The following SYNM variants were observed in gnomAD, a reference collection of about 807,000 sequenced individuals.
SYNM encodes the protein synemin.
A neutral mutation model predicts 104.0 loss-of-function variants in SYNM; 95 were observed. The ratio of observed to expected loss-of-function variants is 0.91; its 90% CI spans 0.77 to 1.08. SYNM has a LOEUF of 1.08. SYNM is among the 50% of genes least tolerant of loss of function. The probability of loss-of-function intolerance (pLI) is 0.00; values close to 1 mark genes in which losing one functional copy is unlikely to be tolerated. For synonymous variants in SYNM, 918 were observed against 869.0 expected, an observed-to-expected ratio of 1.06 and a Z score of -0.99; for missense variants, 2,150 against 2,052.2, an observed-to-expected ratio of 1.05 and a Z score of -0.92.
rs782787360 is a variant in SYNM at position 99,105,338 on chromosome 15, C to G, written c.139C>G (p.Arg47Gly). Residue 47 changes from arginine to glycine, a missense_variant, in exon 1 of 4, where the codon CGC becomes GGC. Arg to Gly is a moderately radical substitution (Grantham distance 125, BLOSUM62 -2). Transcript: ENST00000336292. ...LLLEEELRGR[R>G]GREGLWAEGQ... ...CCTGGAGGAGGAGCTGCGCGGCCGG[C>G]GCGGGCGAGAGGGCCTGTGGGCCGA... is the stretch of plus-strand genomic sequence containing the variant. 6.5e-7 allele frequency: 1 copy of G among 1,539,386 alleles called. No homozygotes were observed. Among genetic ancestry groups the G allele is most frequent in the African/African-American group, 1.4e-5 (1 of 72,320 alleles).
intron 1 of SYNM, among the ~76,000 whole-genome samples, chr15:99,107,345 G>A (rs1373727689): frequency 6.6e-6 from 1 of 152,196 alleles, no homozygotes; most frequent in African/African-American, 2.4e-5. Flanking sequence ...GTTGTTGAGT[G>A]AAAGTTAAAA....
rs1281586942 is a variant in SYNM, at chr15:99,105,725, C to T, written c.526C>T (p.Pro176Ser). Residue 176 changes from proline (P) to serine (S), a missense_variant, in exon 1 of 4, where the codon CCG becomes TCG. Physicochemically the swap from Pro to Ser is moderately conservative, Grantham distance 74. Transcript: ENST00000336292. ...FRARATGPAAPPPRLREVHDS... is the reference protein window; with the variant it reads ...FRARATGPAASPPRLREVHDS... ...CGCCCGCGCCACCGGCCCCGCCGCG[C>T]CGCCGCCACGCCTGCGGGAGGTGCA... 1.7e-5 allele frequency: 25 copies of T among 1,500,642 alleles called. No individual in the cohort carries two copies. The highest frequency in any genetic ancestry group is 1.7e-5 in the Non-Finnish European group (19 of 1,128,874). The allele number at this position is 1,500,642 out of a possible 1,614,324, so 93.0% of individuals were successfully genotyped here.
chr15:99,138,184 C>T, downstream of SYNM: 1 of 1,594,110 alleles, frequency 6.3e-7, no homozygotes, highest in Non-Finnish European at 8.5e-7. Context: ...CCACACCGTT[C>T]CCATCCAGCC....
intron 1 of SYNM, among the ~76,000 whole-genome samples, chr15:99,111,644 A>G (rs114481321): frequency 0.01 from 1,529 of 152,344 alleles, 23 homozygotes; most frequent in African/African-American, 0.036. Context: ...GTTTTAAACT[A>G]CTTCAGGACC....
Position 99,133,523 on chromosome 15 carries a change from C to T in SYNM, c.*465C>T, listed in dbSNP as rs2067534669. 6.2e-6 allele frequency: 1 copy of T among 160,042 alleles called. No individual in the cohort carries two copies. The highest frequency in any genetic ancestry group is 1.4e-5 in the Non-Finnish European group (1 of 72,188). 9.9% of individuals were successfully genotyped at this position (160,042 alleles called of 1,614,324 possible). A position where few individuals can be genotyped will look rare whatever the true frequency, so the allele number is the denominator to read the frequency against. On this transcript the variant is annotated 3_prime_UTR_variant, in exon 4 of 4. Coordinates refer to ENST00000336292, the MANE Select transcript of SYNM (RefSeq NM_145728.3). The stretch of plus-strand genomic sequence containing the variant: ...AAATACAATTTAGACTCTAAAAAGT[C>T]TTTTCAAAAAGAAATGGGAAATAGG...
intron 2 of SYNM, among the ~76,000 whole-genome samples, chr15:99,125,793 C>G (rs1555484949): frequency 6.6e-6 from 1 of 152,200 alleles, no homozygotes; most frequent in East Asian, 1.9e-4. Context: ...ACATGTTGCT[C>G]TAGCAACTGA....
chr15:99,122,878 G>A lies in SYNM; in HGVS notation c.936-3844G>A, dbSNP rs145026065. 4.6e-5 allele frequency among the ~76,000 whole-genome samples: 7 copies of A among 152,248 alleles called. No homozygotes were observed. The East Asian group carries it at 9.6e-4, about 21-fold the overall frequency. On this transcript the variant is annotated intron_variant, in intron 2 of 3. Transcript: ENST00000336292. ...AATAGAATATATAATTGAAAGGATC[G>A]ACCAGTACCTTTGGTTGCTGGTCAA...
In SYNM at chr15:99,105,190, G is replaced by A. The variant is rs1335196668; in HGVS notation, c.-10G>A. 1.3e-6 allele frequency: 2 copies of A among 1,570,658 alleles called. No homozygotes were observed. Among genetic ancestry groups the A allele is most frequent in the South Asian group, 2.3e-5 (2 of 85,974 alleles). On this transcript the variant is annotated 5_prime_UTR_variant, in exon 1 of 4. Coordinates refer to ENST00000336292, the MANE Select transcript of SYNM (RefSeq NM_145728.3). Reference sequence around the variant, plus strand: ...CCGGCCAGCCGCGAGAACCCCGCACGCCCGGCAAGATGCTGTCCTGGCGGC... The same window carrying A: ...CCGGCCAGCCGCGAGAACCCCGCACACCCGGCAAGATGCTGTCCTGGCGGC...
chr15:99,121,460 G>A (rs1388720476), intron 2 of SYNM, among the ~76,000 whole-genome samples: 2 of 152,166 alleles, frequency 1.3e-5, no homozygotes, highest in Non-Finnish European at 1.5e-5. Flanking sequence ...GAGCTGAGAG[G>A]TAAGGAAGTA....
rs781824120 is a variant in SYNM, at chr15:99,132,827, C to T, written c.4467C>T (p.Ser1489=). 5 of 1,613,190 alleles carry T rather than the reference C, an allele frequency of 3.1e-6. No homozygotes were observed. Among genetic ancestry groups the T allele is most frequent in the Non-Finnish European group, 4.2e-6 (5 of 1,179,680 alleles). The change falls in exon 4 of 4, where the codon TCC becomes TCT. Residue 1489 remains serine (S), a synonymous_variant. Transcript: ENST00000336292. Reference sequence around the variant, plus strand: ...CTCTCGGTGTGTCTGACCGTGGTTCCTGGAGAGACGCGGACAGTAGGAATG... The same window carrying T: ...CTCTCGGTGTGTCTGACCGTGGTTCTTGGAGAGACGCGGACAGTAGGAATG... ...AGALGVSDRG[S]WRDADSRNDQ... is the part of the protein sequence containing the mutation.
At position 99,131,882 on chromosome 15, in the gene SYNM, C is replaced by T; in HGVS notation, c.3522C>T (p.Val1174=). 6.2e-7 allele frequency: 1 copy of T among 1,613,962 alleles called. No individual in the cohort carries two copies. The highest frequency in any genetic ancestry group is 8.5e-7 in the Non-Finnish European group (1 of 1,179,896). Residue 1174 remains valine, a synonymous_variant, in exon 4 of 4, where the codon GTC becomes GTT. Coordinates refer to ENST00000336292, the MANE Select transcript of SYNM (RefSeq NM_145728.3). This position sits in a 1 kb window ranked among gnomAD's most constrained non-coding sequence, Gnocchi z 4.3. ...GAGCCAGCCGGTCTGTGAGGCATGT[C>T]ACGCTGGGTCCCGGTCAAAGTCCAC... ...PTGASRSVRH[V]TLGPGQSPLS...
rs1452813569 is a variant in SYNM at position 99,129,696 on chromosome 15, C to T, written c.1336C>T (p.Pro446Ser). 1.2e-6 allele frequency: 2 copies of T among 1,613,824 alleles called. No homozygotes were observed. The highest frequency in any genetic ancestry group is 3.3e-5 in the Admixed American group (2 of 60,010). The change falls in exon 4 of 4, where the codon CCT becomes TCT. Residue 446 changes from proline to serine, a missense_variant. By Grantham distance (74) the Pro-to-Ser change is moderately conservative. Transcript: ENST00000336292. ...RNTEAQVKTF[P>S]DRPKAGDTRE... ...TACTGAGGCTCAAGTGAAAACATTC[C>T]CTGACAGACCAAAAGCCGGAGATAC... is the stretch of plus-strand genomic sequence containing the variant.
chr15:99,131,324 G>T lies in SYNM; in HGVS notation c.2964G>T (p.Lys988Asn). ...GGAGCGTTTCCGTGGATGTCAAGAA[G>T]GTCCAGGGTGCTGGTGGCAGTTCCG... is the stretch of plus-strand genomic sequence containing the variant. ...GPGSVSVDVK[K>N]VQGAGGSSVT... The change falls in exon 4 of 4, where the codon AAG (lysine) becomes AAT (asparagine). Residue 988 changes from lysine (K) to asparagine (N), a missense_variant. Coordinates refer to ENST00000336292, the MANE Select transcript of SYNM (RefSeq NM_145728.3). The surrounding 1 kb of genome is among the most constrained non-coding windows in gnomAD (Gnocchi z 4.3). 3 of 1,613,330 alleles carry T rather than the reference G, an allele frequency of 1.9e-6. No individual in the cohort carries two copies. The highest frequency in any genetic ancestry group is 2.5e-6 in the Non-Finnish European group (3 of 1,179,732).
downstream of SYNM, chr15:99,140,052 C>T (rs1268745852): frequency 1.4e-5 from 3 of 217,980 alleles, no homozygotes; most frequent in Non-Finnish European, 2.8e-5. Flanking sequence ...GAGGAACTTG[C>T]TTTACTGAAT....
rs762712860 is a variant in SYNM, at chr15:99,105,928, G to A, written c.729G>A (p.Gly243=). 6.5e-7 allele frequency: 1 copy of A among 1,530,106 alleles called. No homozygotes were observed. The highest frequency in any genetic ancestry group is 8.7e-7 in the Non-Finnish European group (1 of 1,143,730). 94.8% of individuals were successfully genotyped at this position (1,530,106 alleles called of 1,614,324 possible). A position where few individuals can be genotyped will look rare whatever the true frequency, so the allele number is the denominator to read the frequency against. ...AGGCGCTGCGGCGCGAGGCGCTCGG[G>A]TTGGAGCAGCTGCGCGCGCGGCTGG... ...EAEALRREAL[G]LEQLRARLED... is the part of the protein sequence containing the mutation. The change falls in exon 1 of 4, where the codon GGG becomes GGA. Residue 243 remains glycine, a synonymous_variant. Coordinates refer to ENST00000336292, the MANE Select transcript of SYNM (RefSeq NM_145728.3).
chr15:99,128,849 C>T (rs1441860776), intron 3 of SYNM: 1 of 154,960 alleles, frequency 6.5e-6, no homozygotes, highest in Admixed American at 6.3e-5. Flanking sequence ...AAGTTAAATT[C>T]TTTAATACTT....
Position 99,105,702 on chromosome 15 carries a change from CCCGCGCCACCGGCCCCG to C in SYNM, c.511_527del (p.Thr171AlafsTer98), listed in dbSNP as rs1198118776. 6.7e-7 allele frequency: 1 copy of C among 1,487,294 alleles called. No individual in the cohort carries two copies. The highest frequency in any genetic ancestry group is 1.3e-5 in the South Asian group (1 of 78,432). 92.1% of individuals were successfully genotyped at this position (1,487,294 alleles called of 1,614,324 possible). On this transcript the variant is annotated frameshift_variant, in exon 1 of 4. Coordinates refer to ENST00000336292, the MANE Select transcript of SYNM (RefSeq NM_145728.3). LOFTEE classifies it high-confidence loss of function. ...GCCAGCCTTACCATGCATTTCCGCG[CCCGCGCCACCGGCCCCG>C]CCGCGCCGCCGCCACGCCTGCGGGA...
downstream of SYNM, chr15:99,139,417 G>A (rs2067958295): frequency 9.3e-6 from 15 of 1,613,970 alleles, no homozygotes; most frequent in Non-Finnish European, 1.3e-5. Context: ...ACACCAAGCA[G>A]CTATCATGAG....
In SYNM at chr15:99,105,750, A is replaced by G; in HGVS notation, c.551A>G (p.His184Arg). The change falls in exon 1 of 4, where the codon CAC becomes CGC. Residue 184 changes from histidine to arginine, a missense_variant. His to Arg is a conservative substitution (Grantham distance 29, BLOSUM62 0). Transcript: ENST00000336292. ...AAPPPRLREV[H>R]DSYALLVAES... The stretch of plus-strand genomic sequence containing the variant: ...CCGCCGCCACGCCTGCGGGAGGTGC[A>G]CGACAGCTACGCACTGCTGGTGGCC... The G allele has an allele frequency of 6.5e-7, 1 of 1,530,682 alleles. No homozygotes were observed. The highest frequency in any genetic ancestry group is 1.2e-5 in the South Asian group (1 of 82,074). 94.8% of individuals were successfully genotyped at this position (1,530,682 alleles called of 1,614,324 possible).
Sources: allele counts gnomAD v4.1 joint callset (sites outside exome capture counted in the v4.1 genomes callset), GRCh38; gene constraint gnomAD v4.1.1; non-coding constraint Gnocchi (gnomAD v3.1); transcripts MANE v1.5; gene names NCBI Gene and HGNC (gene_info 2026-07-23, HGNC 2026-07-21).